Variants in ARNT2 observed in about 807,000 individuals in gnomAD.
ARNT2 encodes ARNT protein 2.
ARNT2 carries 36 observed loss-of-function variants against 91.7 expected under a neutral mutation model. The observed-to-expected ratio is 0.39, with a 90% CI of 0.30 to 0.52. The LOEUF is 0.52. ARNT2 is among the 20% of genes least tolerant of loss of function. The pLI is 0.72. For synonymous variants in ARNT2, 365 were observed against 347.1 expected, an observed-to-expected ratio of 1.05 and a Z score of -0.57; for missense variants, 775 against 939.3, an observed-to-expected ratio of 0.83 and a Z score of 2.29.
chr15:80,588,857 C>A (rs1893223100), intron 17 of ARNT2, among the ~76,000 whole-genome samples: 1 of 152,192 alleles, frequency 6.6e-6, no homozygotes, highest in Non-Finnish European at 1.5e-5. Flanking sequence ...GCAGCTCTCA[C>A]CTGTGCAGAA....
chr15:80,450,825 C>T, intron 1 of ARNT2, 55 bp from the exon 2 acceptor site: 3 of 1,573,184 alleles, frequency 1.9e-6, no homozygotes, highest in Non-Finnish European at 2.6e-6. Flanking sequence ...ACTTTCTTGC[C>T]CGTTACTGGG....
At chr15:80,409,647 A>G (rs1329958663) in intron 1 of ARNT2, among the ~76,000 whole-genome samples, 2 of 152,250 alleles carry the variant, frequency 1.3e-5, no homozygotes, top group African/African-American at 4.8e-5. Flanking sequence ...CTTGCTAGCA[A>G]GACAAATAGT....
At chr15:80,523,237 T>C (rs2141435252) in intron 8 of ARNT2, among the ~76,000 whole-genome samples, 1 of 152,270 alleles carries the variant, frequency 6.6e-6, no homozygotes, top group African/African-American at 2.4e-5. Flanking sequence ...GAAGGGAGAT[T>C]TCCGAGAGTG....
At chr15:80,579,758 G>A (rs996771588) in intron 15 of ARNT2, among the ~76,000 whole-genome samples, 10 of 152,300 alleles carry the variant, frequency 6.6e-5, no homozygotes, top group Admixed American at 1.3e-4. Flanking sequence ...AGTGCCTGCC[G>A]AGGAGCTAAG....
At chr15:80,555,299 G>A in intron 11 of ARNT2, 160 bp downstream of exon 11, 1 of 645,356 alleles carries the variant, frequency 1.5e-6, no homozygotes, top group Non-Finnish European at 2.7e-6. Flanking sequence ...AGTCTAGTAG[G>A]GAAGACAGAC....
intron 1 of ARNT2, among the ~76,000 whole-genome samples, chr15:80,432,267 G>A (rs1237987608): frequency 6.6e-6 from 1 of 152,182 alleles, no homozygotes; most frequent in African/African-American, 2.4e-5. Flanking sequence ...TGAATTAGAG[G>A]TAGAAGATTT....
At position 80,475,077 on chromosome 15, in the gene ARNT2, G is replaced by A. The variant is rs762876354; in HGVS notation, c.476G>A (p.Arg159Gln). ...FLFVVAAETG[R>Q]VIYVSDSVTP... is the part of the protein sequence containing the mutation. ...TTTGTGGTGGCTGCTGAGACAGGGC[G>A]AGTGATTTATGTGTCTGACTCCGTC... Residue 159 changes from arginine (R) to glutamine (Q), a missense_variant, in exon 5 of 19, where the codon CGA becomes CAA. Arg to Gln is a conservative substitution (Grantham distance 43). Coordinates refer to ENST00000303329, the MANE Select transcript of ARNT2 (RefSeq NM_014862.4). 34 of 1,614,064 alleles carry A rather than the reference G, an allele frequency of 2.1e-5. No individual in the cohort carries two copies. Among genetic ancestry groups the A allele is most frequent in the South Asian group, 9.9e-5 (9 of 91,084 alleles).
chr15:80,597,174 C>T lies in ARNT2; in HGVS notation c.*3476C>T, dbSNP rs746870985. ...ACATCAGTGTCCTTCTAGCTTTAGC[C>T]GAGAAAGAAACCAGTCCCAGGGAAT... On this transcript the variant is annotated 3_prime_UTR_variant, in exon 19 of 19. Coordinates refer to ENST00000303329, the MANE Select transcript of ARNT2 (RefSeq NM_014862.4). The T allele has an allele frequency of 5.8e-6, 3 of 518,472 alleles. No homozygotes were observed. The highest frequency in any genetic ancestry group is 5.5e-5 in the East Asian group (1 of 18,330). The allele number at this position is 518,472 out of a possible 1,614,324, so 32.1% of individuals were successfully genotyped here. A position where few individuals can be genotyped will look rare whatever the true frequency, so the allele number is the denominator to read the frequency against.
intron 17 of ARNT2, among the ~76,000 whole-genome samples, chr15:80,589,258 G>A (rs1045393221): frequency 2.0e-5 from 3 of 152,018 alleles, no homozygotes; most frequent in Non-Finnish European, 4.4e-5. Flanking sequence ...AGATTGAGAA[G>A]AATGGGCACT....
At chr15:80,443,568 C>T (rs1244942946) in intron 1 of ARNT2, among the ~76,000 whole-genome samples, 1 of 151,942 alleles carries the variant, frequency 6.6e-6, no homozygotes, top group Non-Finnish European at 1.5e-5. Flanking sequence ...AGCGCTGCTG[C>T]CAGGCACCTG....
At chr15:80,406,526 T>A (rs72745607) in intron 1 of ARNT2, among the ~76,000 whole-genome samples, 6,921 of 152,348 alleles carry the variant, frequency 0.045, 291 homozygotes, top group East Asian at 0.18. Flanking sequence ...ACATAATTTC[T>A]ATGCCAGGAC....
At chr15:80,534,317 C>CT (rs146398955) in intron 8 of ARNT2, among the ~76,000 whole-genome samples, 166 of 147,646 alleles carry the variant, frequency 1.1e-3, no homozygotes, top group African/African-American at 3.3e-3. Context: ...TGCTTACCTT[C>CT]TTTTTTTTTT....
chr15:80,564,937 T>C (rs201963108), intron 12 of ARNT2, among the ~76,000 whole-genome samples: 6 of 125,658 alleles, frequency 4.8e-5, no homozygotes, highest in African/African-American at 1.8e-4. Context: ...TTTTTTTTTT[T>C]AAATTGAGAC....
At chr15:80,503,425 A>G (rs920719087) in intron 5 of ARNT2, among the ~76,000 whole-genome samples, 3 of 152,226 alleles carry the variant, frequency 2.0e-5, no homozygotes, top group Non-Finnish European at 4.4e-5. Flanking sequence ...AAACCGGAGA[A>G]GCACACAGAG....
Position 80,591,550 on chromosome 15 carries a change from G to A in ARNT2, c.1919-18G>A, listed in dbSNP as rs1893280126. 2 of 1,613,950 alleles carry A rather than the reference G, an allele frequency of 1.2e-6. No individual in the cohort carries two copies. The highest frequency in any genetic ancestry group is 1.7e-5 in the Admixed American group (1 of 59,994). ...GGATGGCTTTTAAAGGAAGTGTCCT[G>A]TGTGTCGAATCTTTCAGCTGAAAGT... is the stretch of plus-strand genomic sequence containing the variant. On this transcript the variant is annotated intron_variant, in intron 17 of 18. Coordinates refer to ENST00000303329, the MANE Select transcript of ARNT2 (RefSeq NM_014862.4). The surrounding 1 kb of genome is among the most constrained non-coding windows in gnomAD (Gnocchi z 5.1).
At position 80,404,443 on chromosome 15, in the gene ARNT2, G is replaced by A. The variant is rs1252436391; in HGVS notation, c.-73G>A. On this transcript the variant is annotated 5_prime_UTR_variant, in exon 1 of 19. Transcript: ENST00000303329. This position sits in a 1 kb window ranked among gnomAD's most constrained non-coding sequence, Gnocchi z 5.5. Reference sequence around the variant, plus strand: ...GGCGCCTGGGCCTGACCGGGTCCCCGGGGCTGAGCGCCGGGCTCCGCGCCG... The same window carrying A: ...GGCGCCTGGGCCTGACCGGGTCCCCAGGGCTGAGCGCCGGGCTCCGCGCCG... The A allele has an allele frequency of 4.2e-5, 45 of 1,071,152 alleles. No individual in the cohort carries two copies. The highest frequency in any genetic ancestry group is 5.1e-5 in the Non-Finnish European group (44 of 858,488). The allele number at this position is 1,071,152 out of a possible 1,614,324, so 66.4% of individuals were successfully genotyped here.
intron 11 of ARNT2, among the ~76,000 whole-genome samples, chr15:80,559,337 AGC>A (rs1898275257): frequency 3.9e-5 from 6 of 152,020 alleles, no homozygotes; most frequent in Non-Finnish European, 5.9e-5. Flanking sequence ...ACCCAGCCCC[AGC>A]CCCAGCCCCG....
intron 5 of ARNT2, among the ~76,000 whole-genome samples, chr15:80,500,833 G>C (rs1897182246): frequency 6.6e-6 from 1 of 152,216 alleles, no homozygotes; most frequent in Non-Finnish European, 1.5e-5. Context: ...AAATGAGTGG[G>C]TGTGGCTGTT....
At position 80,558,882 on chromosome 15, in the gene ARNT2, CT is replaced by C. The variant is rs1458624182; in HGVS notation, c.1164+3746del. On this transcript the variant is annotated intron_variant, in intron 11 of 18. Transcript: ENST00000303329. The stretch of plus-strand genomic sequence containing the variant: ...AGCAGTCAGGTTTGGGCTGGGTGGG[CT>C]TTATTTTTGTGGGTTAATGGAAATG... 2.0e-5 allele frequency among the ~76,000 whole-genome samples: 3 copies of C among 152,214 alleles called. No homozygotes were observed. In the East Asian group the frequency reaches 5.8e-4, roughly 29 times the overall value.
Sources: allele counts gnomAD v4.1 joint callset (sites outside exome capture counted in the v4.1 genomes callset), GRCh38; gene constraint gnomAD v4.1.1; non-coding constraint Gnocchi (gnomAD v3.1); transcripts MANE v1.5; gene names NCBI Gene and HGNC (gene_info 2026-07-23, HGNC 2026-07-21).